Variants in MSRB3 observed in about 807,000 individuals in gnomAD.
The protein encoded by MSRB3 is methionine sulfoxide reductase B3.
A neutral mutation model predicts 21.0 loss-of-function variants in MSRB3; 13 were observed. The ratio of observed to expected loss-of-function variants is 0.62; its 90% CI spans 0.40 to 0.98. The LOEUF (loss-of-function observed/expected upper bound fraction) is 0.98. Ranked by LOEUF, MSRB3 falls within the 50% of genes least tolerant of loss-of-function variation. The pLI is 0.00. For missense variants in MSRB3, 199 were observed against 230.3 expected (o/e 0.86, Z 0.88); for synonymous variants, 87 against 88.6 (o/e 0.98, Z 0.10).
chr12:65,353,649 A>C (rs1484602661), intron 4 of MSRB3, among the ~76,000 whole-genome samples: 1 of 152,160 alleles, frequency 6.6e-6, no homozygotes, highest in Non-Finnish European at 1.5e-5. Context: ...TCCTGAATAC[A>C]GCACCCTGAT....
intron 4 of MSRB3, among the ~76,000 whole-genome samples, chr12:65,347,202 T>G (rs1396042663): frequency 6.6e-6 from 1 of 152,200 alleles, no homozygotes; most frequent in African/African-American, 2.4e-5. Context: ...CGATATTGAT[T>G]CTTCCTACCC....
At chr12:65,399,366 CT>C (rs1233049368) in intron 5 of MSRB3, among the ~76,000 whole-genome samples, 1 of 152,068 alleles carries the variant, frequency 6.6e-6, no homozygotes, top group African/African-American at 2.4e-5. Context: ...CTCTTTGTAC[CT>C]ATTGTGAATG....
chr12:65,460,931 TTAAACAC>T (rs1315156037), intron 6 of MSRB3, among the ~76,000 whole-genome samples: 1 of 152,210 alleles, frequency 6.6e-6, no homozygotes, highest in Non-Finnish European at 1.5e-5. Flanking sequence ...TAACTCATTC[TTAAACAC>T]CTTCAAATAT....
At chr12:65,376,033 T>C in intron 5 of MSRB3, among the ~76,000 whole-genome samples, 1 of 152,052 alleles carries the variant, frequency 6.6e-6, no homozygotes. Flanking sequence ...TTAGACAACC[T>C]GATTCATGAT....
chr12:65,317,919 A>G (rs1215369016), intron 2 of MSRB3, among the ~76,000 whole-genome samples: 1 of 152,170 alleles, frequency 6.6e-6, no homozygotes, highest in Non-Finnish European at 1.5e-5. Flanking sequence ...TTTAAATACA[A>G]CATATACCCG....
chr12:65,371,912 C>A lies in MSRB3; in HGVS notation c.292+2886C>A, dbSNP rs144063465. ...TTTTAAATTAACAATTTTTTATAAT[C>A]AAAAAATTTCAACCATGTATAAAAG... On this transcript the variant is annotated intron_variant, in intron 5 of 6. Transcript: ENST00000308259. 2.1e-3 allele frequency among the ~76,000 whole-genome samples: 313 copies of A among 152,030 alleles called. 2 individuals carry two copies. The highest frequency in any genetic ancestry group is 7.0e-3 in the African/African-American group (289 of 41,466).
At chr12:65,291,286 A>C (rs1042577893) in intron 1 of MSRB3, among the ~76,000 whole-genome samples, 5 of 151,716 alleles carry the variant, frequency 3.3e-5, no homozygotes, top group African/African-American at 9.7e-5. Flanking sequence ...GGGTTTCTCC[A>C]TGTTGGGCAG....
chr12:65,283,196 T>A (rs1872141482), intron 1 of MSRB3, among the ~76,000 whole-genome samples: 1 of 152,210 alleles, frequency 6.6e-6, no homozygotes, highest in Non-Finnish European at 1.5e-5. Context: ...TTTAGGCTGT[T>A]CCTACTGCCT....
intron 5 of MSRB3, among the ~76,000 whole-genome samples, chr12:65,393,200 A>G (rs1172988152): frequency 6.6e-6 from 1 of 151,986 alleles, no homozygotes; most frequent in African/African-American, 2.4e-5. Flanking sequence ...ATATTTGACC[A>G]TATTTGTCAC....
At chr12:65,366,470 G>A (rs1878021419) in intron 4 of MSRB3, among the ~76,000 whole-genome samples, 1 of 152,178 alleles carries the variant, frequency 6.6e-6, no homozygotes, top group African/African-American at 2.4e-5. Context: ...AGCACAGGCA[G>A]AGGAAGGCCA....
intron 4 of MSRB3, among the ~76,000 whole-genome samples, chr12:65,341,100 A>G (rs537204765): frequency 6.6e-6 from 1 of 152,252 alleles, no homozygotes; most frequent in South Asian, 2.1e-4. Context: ...TGAAAATAAA[A>G]TGCACTCACA....
At chr12:65,431,066 A>G (rs1389799) in intron 5 of MSRB3, among the ~76,000 whole-genome samples, 39,558 of 151,944 alleles carry the variant, frequency 0.26, 6,309 homozygotes, top group Middle Eastern at 0.45. Flanking sequence ...GTGAGTATTC[A>G]GGAGATTTTC....
intron 5 of MSRB3, among the ~76,000 whole-genome samples, chr12:65,410,754 G>C (rs894412973): frequency 1.6e-4 from 25 of 152,138 alleles, no homozygotes; most frequent in African/African-American, 5.8e-4. Flanking sequence ...CAACTTCATG[G>C]GGTTGTTGAG....
chr12:65,382,620 G>A (rs988948471), intron 5 of MSRB3, among the ~76,000 whole-genome samples: 14 of 151,088 alleles, frequency 9.3e-5, no homozygotes, highest in African/African-American at 3.2e-4. Flanking sequence ...TTTTCATCAC[G>A]ACCACCTGTT....
Position 65,352,940 on chromosome 12 carries a change from T to A in MSRB3, c.264-16058T>A, listed in dbSNP as rs184669636. ...ATCCCCATAAAGCTACCAATGACTTTCTTCACAGAATTGGAAAAAACTACT... is the reference window on the plus strand; with the variant it reads ...ATCCCCATAAAGCTACCAATGACTTACTTCACAGAATTGGAAAAAACTACT... On this transcript the variant is annotated intron_variant, in intron 4 of 6. Coordinates refer to ENST00000308259, the MANE Select transcript of MSRB3 (RefSeq NM_001031679.3). Among the ~76,000 whole-genome samples, 1,223 of 151,988 alleles carry A rather than the reference T, an allele frequency of 8.0e-3. 16 individuals are homozygous for A. Among genetic ancestry groups the A allele is most frequent in the African/African-American group, 0.029 (1,183 of 41,436 alleles).
At chr12:65,346,704 T>A (rs1448309704) in intron 4 of MSRB3, among the ~76,000 whole-genome samples, 17 of 152,074 alleles carry the variant, frequency 1.1e-4, no homozygotes, top group Admixed American at 1.1e-3. Flanking sequence ...TCTTCTAGGG[T>A]TTTTATGATT....
At chr12:65,448,976 G>A (rs1375457769) in intron 5 of MSRB3, among the ~76,000 whole-genome samples, 1 of 152,148 alleles carries the variant, frequency 6.6e-6, no homozygotes, top group East Asian at 1.9e-4. Context: ...GGGGATTAAA[G>A]AATCATTTTT....
rs567881019 is a variant in MSRB3 at position 65,409,165 on chromosome 12, C to T, written c.292+40139C>T. The stretch of plus-strand genomic sequence containing the variant: ...CATATTATACCTATATATCTATATA[C>T]GTGTGTGTGTGTTTGTGTGTGTATA... On this transcript the variant is annotated intron_variant, in intron 5 of 6. Coordinates refer to ENST00000308259, the MANE Select transcript of MSRB3 (RefSeq NM_001031679.3). 6.0e-5 allele frequency among the ~76,000 whole-genome samples: 9 copies of T among 150,982 alleles called. No individual in the cohort carries two copies. In the South Asian group the frequency reaches 8.3e-4, roughly 14 times the overall value.
intron 2 of MSRB3, among the ~76,000 whole-genome samples, chr12:65,311,903 G>A (rs10878257): frequency 6.6e-6 from 1 of 151,716 alleles, no homozygotes; most frequent in Non-Finnish European, 1.5e-5. Flanking sequence ...CTTTTTTTAC[G>A]TCTTATTTTT....
Sources: gnomAD v4.1 joint callset for allele counts (sites outside exome capture counted in the v4.1 genomes callset) on GRCh38, gnomAD v4.1.1 for gene constraint, MANE v1.5 for transcripts, NCBI Gene and HGNC (gene_info 2026-07-23, HGNC 2026-07-21) for gene names.